MYBPC1: variants seen among roughly 807,000 people sequenced by gnomAD.
The protein encoded by MYBPC1 is myosin-binding protein C, slow-type.
Under a neutral mutation model 147.1 loss-of-function variants are expected in MYBPC1, and 52 were observed. That is an observed-to-expected ratio of 0.35 (90% confidence interval 0.28 to 0.45). MYBPC1 has a LOEUF of 0.45. MYBPC1 is among the 20% of genes least tolerant of loss of function. The probability of loss-of-function intolerance (pLI) is 1.00; values close to 1 mark genes in which losing one functional copy is unlikely to be tolerated. For missense variants in MYBPC1, 1,228 were observed against 1,440.3 expected, an observed-to-expected ratio of 0.85 and a Z score of 2.39; for synonymous variants, 477 against 475.9, an observed-to-expected ratio of 1.00 and a Z score of -0.03.
rs748189669 is a variant in MYBPC1, at chr12:101,677,408, G to C, written c.3109+14G>C. ...TCGCCAGGGATGGTGAGTTGGGAATGGACTGACATTTGAAAACCTTGGTTG... is the reference window on the plus strand; with the variant it reads ...TCGCCAGGGATGGTGAGTTGGGAATCGACTGACATTTGAAAACCTTGGTTG... On this transcript the variant is annotated intron_variant, in intron 27 of 31. Coordinates refer to ENST00000361466, the MANE Select transcript of MYBPC1 (RefSeq NM_002465.4). 1 of 1,613,670 alleles carries C rather than the reference G, an allele frequency of 6.2e-7. No homozygotes were observed. Among genetic ancestry groups the C allele is most frequent in the South Asian group, 1.1e-5 (1 of 91,068 alleles).
chr12:101,597,930 A>G (rs533185461), intron 1 of MYBPC1, among the ~76,000 whole-genome samples: 1 of 152,036 alleles, frequency 6.6e-6, no homozygotes, highest in African/African-American at 2.4e-5. Context: ...TGATACATTC[A>G]TTTATATATC....
chr12:101,625,438 G>A (rs775513587), intron 3 of MYBPC1, among the ~76,000 whole-genome samples: 1 of 152,108 alleles, frequency 6.6e-6, no homozygotes, highest in Non-Finnish European at 1.5e-5. Context: ...TCTACCACAC[G>A]ATAAATAACC....
chr12:101,644,591 A>G (rs1565946303), intron 11 of MYBPC1, 73 bp from the exon 12 acceptor site: 2 of 1,377,126 alleles, frequency 1.5e-6, no homozygotes, highest in Non-Finnish European at 2.1e-6. Flanking sequence ...GTTCTCCTAC[A>G]TGTATTGACT....
At chr12:101,605,364 C>A (rs1241095290) in intron 1 of MYBPC1, among the ~76,000 whole-genome samples, 1 of 152,120 alleles carries the variant, frequency 6.6e-6, no homozygotes, top group African/African-American at 2.4e-5. Flanking sequence ...ATAACATGCA[C>A]AAAATCTTTT....
At chr12:101,674,029 G>T (rs1218175851) in intron 25 of MYBPC1, among the ~76,000 whole-genome samples, 1 of 152,090 alleles carries the variant, frequency 6.6e-6, no homozygotes, top group Non-Finnish European at 1.5e-5. Context: ...CTCTAGCCTG[G>T]GTGACAGAGT....
At position 101,624,683 on chromosome 12, in the gene MYBPC1, A is replaced by ATTTTTTTTTTTTTT. The variant is rs57175970; in HGVS notation, c.104-2176_104-2163dup. 1.1e-3 allele frequency among the ~76,000 whole-genome samples: 111 copies of ATTTTTTTTTTTTTT among 99,096 alleles called. 7 individuals are homozygous for ATTTTTTTTTTTTTT. Among genetic ancestry groups the ATTTTTTTTTTTTTT allele is most frequent in the Middle Eastern group, 0.017 (2 of 118 alleles). The allele number at this position is 99,096 out of a possible 152,430, so 65.0% of individuals were successfully genotyped here. A position where few individuals can be genotyped will look rare whatever the true frequency, so the allele number is the denominator to read the frequency against. ...AATAATATACAAGCCCGGCTAATTA[A>ATTTTTTTTTTTTTT]TTTTTTTTTTTTTTTTTTTTTTTTT... On this transcript the variant is annotated intron_variant, in intron 3 of 31. Coordinates refer to ENST00000361466, the MANE Select transcript of MYBPC1 (RefSeq NM_002465.4).
chr12:101,612,484 G>A (rs1252834423), intron 1 of MYBPC1, among the ~76,000 whole-genome samples: 1 of 152,172 alleles, frequency 6.6e-6, no homozygotes, highest in African/African-American at 2.4e-5. Context: ...AGTAAGAGAA[G>A]GGAGAGAAAG....
At chr12:101,684,234 T>C in intron 30 of MYBPC1, 148 bp from the exon 31 acceptor site, 1 of 707,532 alleles carries the variant, frequency 1.4e-6, no homozygotes, top group Non-Finnish European at 2.6e-6. Context: ...GCTTCTATTT[T>C]CCTACATCTT....
the MYBPC1 span, among the ~76,000 whole-genome samples, chr12:101,693,973 T>C: frequency 6.6e-6 from 1 of 152,130 alleles, no homozygotes; most frequent in African/African-American, 2.4e-5. Flanking sequence ...TTGGGAGTCA[T>C]GGCCAGCCAT....
At chr12:101,618,329 T>C (rs775416898) in intron 3 of MYBPC1, among the ~76,000 whole-genome samples, 31 of 152,326 alleles carry the variant, frequency 2.0e-4, no homozygotes, top group Admixed American at 3.9e-4. Context: ...GTGGCTCCCA[T>C]GGAGAGTAAC....
rs550922682 is a variant in MYBPC1, at chr12:101,644,830, T to C, written c.965+34T>C. 1.2e-5 allele frequency: 19 copies of C among 1,596,134 alleles called. No individual in the cohort carries two copies. In the East Asian group the frequency reaches 3.4e-4, roughly 28 times the overall value. On this transcript the variant is annotated intron_variant, in intron 12 of 31. Transcript: ENST00000361466. ...GCTTTGCAAAAATCAGTGATAGCTC[T>C]ACAGTAAATTAATCAAATAGTAGTT...
At chr12:101,649,986 A>G (rs946045342) in intron 15 of MYBPC1, among the ~76,000 whole-genome samples, 1 of 152,238 alleles carries the variant, frequency 6.6e-6, no homozygotes, top group African/African-American at 2.4e-5. Context: ...GATGTCACAA[A>G]AAGAGCAGAA....
the MYBPC1 span, among the ~76,000 whole-genome samples, chr12:101,691,288 T>A: frequency 2.2e-3 from 335 of 152,230 alleles, 1 homozygote; most frequent in Non-Finnish European, 3.6e-3. Flanking sequence ...GCCAGGCTAG[T>A]CTCAAACTCC....
intron 23 of MYBPC1, 86 bp from the exon 24 acceptor site, chr12:101,670,235 G>A: frequency 9.9e-7 from 1 of 1,014,606 alleles, no homozygotes; most frequent in South Asian, 1.3e-5. Context: ...AGGGTACGCT[G>A]GTGAGCATCA....
chr12:101,595,641 G>A (rs773181468), intron 1 of MYBPC1, among the ~76,000 whole-genome samples: 58 of 151,882 alleles, frequency 3.8e-4, no homozygotes, highest in Non-Finnish European at 7.5e-4. Flanking sequence ...TTGGAGGTTC[G>A]TTATTAAATT....
intron 3 of MYBPC1, among the ~76,000 whole-genome samples, chr12:101,621,068 A>G (rs1430339019): frequency 6.6e-6 from 1 of 152,238 alleles, no homozygotes; most frequent in Non-Finnish European, 1.5e-5. Context: ...AAATTTAAAA[A>G]AATGATTTTT....
chr12:101,627,846 T>C (rs1292698447), intron 5 of MYBPC1, 42 bp downstream of exon 5: 2 of 1,577,652 alleles, frequency 1.3e-6, no homozygotes, highest in South Asian at 2.2e-5. Flanking sequence ...CTCATCCTAA[T>C]ACAATCACTA....
rs769336084 is a variant in MYBPC1, at chr12:101,614,579, G to A, written c.61+48G>A. 5 of 1,600,280 alleles carry A rather than the reference G, an allele frequency of 3.1e-6. No homozygotes were observed. The African/African-American group carries it at 6.7e-5, about 21-fold the overall frequency. On this transcript the variant is annotated intron_variant, in intron 2 of 31. Coordinates refer to ENST00000361466, the MANE Select transcript of MYBPC1 (RefSeq NM_002465.4). ...ACACGTTTGGGCTGCAAATACAGAGGGTCCATCCCAGCATGATTTGGCCTC... is the reference window on the plus strand; with the variant it reads ...ACACGTTTGGGCTGCAAATACAGAGAGTCCATCCCAGCATGATTTGGCCTC...
intron 1 of MYBPC1, among the ~76,000 whole-genome samples, chr12:101,595,299 T>C (rs775915885): frequency 5.3e-5 from 8 of 152,146 alleles, no homozygotes; most frequent in Non-Finnish European, 1.0e-4. Context: ...ATAACGATAG[T>C]TTCTAAAGGG....
Sources: allele counts gnomAD v4.1 joint callset (sites outside exome capture counted in the v4.1 genomes callset), GRCh38; gene constraint gnomAD v4.1.1; transcripts MANE v1.5; gene names NCBI Gene and HGNC (gene_info 2026-07-23, HGNC 2026-07-21).